CAMK1D: variants seen among roughly 807,000 people sequenced by gnomAD.
CAMK1D encodes the protein calcium/calmodulin dependent protein kinase ID, also known as calcium/calmodulin-dependent protein kinase type 1D.
A neutral mutation model predicts 47.7 loss-of-function variants in CAMK1D; 9 were observed. That is an observed-to-expected ratio of 0.19 (90% CI 0.11 to 0.33). The LOEUF is 0.33. CAMK1D is among the 10% of genes least tolerant of loss of function. The probability of loss-of-function intolerance (pLI) is 1.00; values close to 1 mark genes in which losing one functional copy is unlikely to be tolerated. For synonymous variants in CAMK1D, 184 were observed against 184.9 expected, an observed-to-expected ratio of 0.99 and a Z score of 0.04; for missense variants, 291 against 488.7, an observed-to-expected ratio of 0.60 and a Z score of 3.81.
At chr10:12,570,940 G>T (rs1837305553) in intron 2 of CAMK1D, among the ~76,000 whole-genome samples, 1 of 152,046 alleles carries the variant, frequency 6.6e-6, no homozygotes, top group African/African-American at 2.4e-5. Context: ...GACAGAGTGA[G>T]ACTTCATGTC....
chr10:12,734,344 AAATATATATATATATAT>A (rs1196509371), intron 3 of CAMK1D, among the ~76,000 whole-genome samples: 4 of 7,022 alleles, frequency 5.7e-4, no homozygotes, highest in South Asian at 4.9e-3. Flanking sequence ...AAAAAAAAAA[AAATATATATATATATAT>A]ATATATATAT....
chr10:12,775,082 C>T (rs1363088352), intron 5 of CAMK1D, among the ~76,000 whole-genome samples: 1 of 115,406 alleles, frequency 8.7e-6, no homozygotes, highest in Admixed American at 8.8e-5. Context: ...TGAGAAGGCT[C>T]AGGCATTGAT....
chr10:12,815,561 T>G (rs573584480), intron 7 of CAMK1D, among the ~76,000 whole-genome samples: 1 of 152,348 alleles, frequency 6.6e-6, no homozygotes, highest in South Asian at 2.1e-4. Context: ...AGAAGCCCAG[T>G]CCTTTGGGCA....
In CAMK1D at chr10:12,547,802, T is replaced by C. The variant is rs181286099; in HGVS notation, c.93-5423T>C. Among the ~76,000 whole-genome samples, 587 of 152,326 alleles carry C rather than the reference T, an allele frequency of 3.9e-3. 1 individual carries two copies. Among genetic ancestry groups the C allele is most frequent in the Non-Finnish European group, 6.7e-3 (453 of 68,026 alleles). On this transcript the variant is annotated intron_variant, in intron 1 of 10. Transcript: ENST00000619168. ...ATTTCCTGGAACAGGGGAAGTGTCT[T>C]CAAGTGATTTCTATTTATTGTGGGA...
chr10:12,545,380 G>T (rs1308407842), intron 1 of CAMK1D, among the ~76,000 whole-genome samples: 3 of 150,730 alleles, frequency 2.0e-5, no homozygotes, highest in Admixed American at 6.6e-5. Flanking sequence ...AACCCCAGAG[G>T]CGGGGGTTGC....
At chr10:12,582,511 G>T (rs551366365) in intron 2 of CAMK1D, among the ~76,000 whole-genome samples, 1 of 152,230 alleles carries the variant, frequency 6.6e-6, no homozygotes, top group South Asian at 2.1e-4. Context: ...ATGAGCATGG[G>T]GGTGTTTCCA....
intron 1 of CAMK1D, among the ~76,000 whole-genome samples, chr10:12,385,290 C>T (rs1249149441): frequency 6.6e-6 from 1 of 152,112 alleles, no homozygotes; most frequent in African/African-American, 2.4e-5. Flanking sequence ...ATATGAAAAC[C>T]TGTATATGAA....
At chr10:12,769,874 C>G in intron 5 of CAMK1D, 75 bp downstream of exon 5, 1 of 1,538,266 alleles carries the variant, frequency 6.5e-7, no homozygotes, top group Non-Finnish European at 8.9e-7. Context: ...CACGTGTCAA[C>G]TCATCAGTTG....
intron 3 of CAMK1D, among the ~76,000 whole-genome samples, chr10:12,724,610 C>T (rs1834534278): frequency 1.3e-5 from 2 of 152,244 alleles, no homozygotes; most frequent in Admixed American, 1.3e-4. Flanking sequence ...TTGTCCTAGA[C>T]ACTGAGAAGT....
intron 3 of CAMK1D, among the ~76,000 whole-genome samples, chr10:12,679,139 T>A (rs1198512108): frequency 2.6e-5 from 4 of 152,224 alleles, no homozygotes; most frequent in African/African-American, 9.6e-5. Flanking sequence ...TGAGTGACAG[T>A]CAACATCTTT....
At chr10:12,708,405 AGTAAC>A (rs1833811579) in intron 3 of CAMK1D, among the ~76,000 whole-genome samples, 1 of 152,208 alleles carries the variant, frequency 6.6e-6, no homozygotes, top group South Asian at 2.1e-4. Flanking sequence ...GCAGAGGAAG[AGTAAC>A]GCATATGCTG....
chr10:12,593,665 C>T (rs1390479082), intron 2 of CAMK1D, among the ~76,000 whole-genome samples: 1 of 151,890 alleles, frequency 6.6e-6, no homozygotes, highest in Non-Finnish European at 1.5e-5. Flanking sequence ...ACCACTTGTA[C>T]CCCAAAAGCT....
chr10:12,702,885 G>A (rs765660453), intron 3 of CAMK1D, among the ~76,000 whole-genome samples: 10 of 152,192 alleles, frequency 6.6e-5, no homozygotes, highest in Admixed American at 2.6e-4. Context: ...TCAGGAGTGC[G>A]CATGATCTGA....
chr10:12,380,938 C>G (rs1304114615), intron 1 of CAMK1D, among the ~76,000 whole-genome samples: 3 of 152,132 alleles, frequency 2.0e-5, no homozygotes, highest in African/African-American at 7.2e-5. Context: ...TATAATTGGC[C>G]TAGTCATTTG....
chr10:12,767,028 A>T (rs1459914439), intron 4 of CAMK1D, among the ~76,000 whole-genome samples: 1 of 152,160 alleles, frequency 6.6e-6, no homozygotes, highest in Non-Finnish European at 1.5e-5. Flanking sequence ...GCCCCATCTC[A>T]GACCCGCTGA....
intron 3 of CAMK1D, among the ~76,000 whole-genome samples, chr10:12,669,555 G>A (rs1425047504): frequency 2.0e-5 from 3 of 151,914 alleles, no homozygotes; most frequent in African/African-American, 4.8e-5. Flanking sequence ...ATTTACATAC[G>A]AGTCACTGTA....
intron 1 of CAMK1D, among the ~76,000 whole-genome samples, chr10:12,505,745 A>C (rs1479283401): frequency 6.6e-6 from 1 of 152,152 alleles, no homozygotes; most frequent in Non-Finnish European, 1.5e-5. Context: ...TTGTGGCTTT[A>C]TTGCTGTTTG....
At chr10:12,765,311 C>T (rs982564584) in intron 4 of CAMK1D, among the ~76,000 whole-genome samples, 4 of 151,870 alleles carry the variant, frequency 2.6e-5, no homozygotes, top group Non-Finnish European at 5.9e-5. Context: ...TATTCAAGAC[C>T]ATTGCAATGC....
chr10:12,632,044 C>T (rs1373545622), intron 2 of CAMK1D, among the ~76,000 whole-genome samples: 1 of 152,176 alleles, frequency 6.6e-6, no homozygotes, highest in African/African-American at 2.4e-5. Flanking sequence ...CCAGCTAAAC[C>T]CATCCCTCTG....
Sources: allele counts gnomAD v4.1 joint callset (sites outside exome capture counted in the v4.1 genomes callset), GRCh38; gene constraint gnomAD v4.1.1; transcripts MANE v1.5; gene names NCBI Gene and HGNC (gene_info 2026-07-23, HGNC 2026-07-21).